The following WDR88 variants were observed in gnomAD, a reference collection of about 807,000 sequenced individuals.
WDR88 encodes WD repeat domain 88, also known as WD repeat-containing protein 88.
A neutral mutation model predicts 46.8 loss-of-function variants in WDR88; 40 were observed. The ratio of observed to expected loss-of-function variants is 0.86; its 90% CI spans 0.66 to 1.11. The LOEUF is 1.11. WDR88 is among the 50% of genes most tolerant of loss of function. The probability of loss-of-function intolerance (pLI) is 0.00; values close to 1 mark genes in which losing one functional copy is unlikely to be tolerated. For synonymous variants in WDR88, 235 were observed against 240.7 expected, an observed-to-expected ratio of 0.98 and a Z score of 0.22; for missense variants, 562 against 602.4, an observed-to-expected ratio of 0.93 and a Z score of 0.70.
intron 9 of WDR88, among the ~76,000 whole-genome samples, chr19:33,164,787 G>A (rs1038864695): frequency 1.3e-5 from 2 of 152,108 alleles, no homozygotes; most frequent in Non-Finnish European, 2.9e-5. Flanking sequence ...GACCAGTTTC[G>A]TGGAAGACAA....
At chr19:33,163,591 A>AAAT (rs1223170651) in intron 8 of WDR88, among the ~76,000 whole-genome samples, 13 of 152,048 alleles carry the variant, frequency 8.5e-5, no homozygotes, top group Non-Finnish European at 1.6e-4. Flanking sequence ...ATTCCACCCT[A>AAAT]AATGTTGTTG....
At chr19:33,141,241 C>CTTTTTTT (rs1973389122) in intron 2 of WDR88, among the ~76,000 whole-genome samples, 1 of 131,014 alleles carries the variant, frequency 7.6e-6, no homozygotes, top group African/African-American at 3.2e-5. Flanking sequence ...TTTTTTTTTT[C>CTTTTTTT]TTTTTTGACA....
At chr19:33,138,863 G>A (rs982454523) in intron 2 of WDR88, among the ~76,000 whole-genome samples, 4 of 151,686 alleles carry the variant, frequency 2.6e-5, no homozygotes, top group Non-Finnish European at 4.4e-5. Context: ...TTTATTTTTA[G>A]TAGAGACAGG....
intron 9 of WDR88, among the ~76,000 whole-genome samples, chr19:33,169,963 C>T (rs900803742): frequency 8.6e-5 from 13 of 151,632 alleles, no homozygotes; most frequent in East Asian, 7.8e-4. Context: ...CCGCAACCTC[C>T]GCCTCCCGGG....
chr19:33,148,676 C>T (rs964079936), intron 4 of WDR88, 96 bp from the exon 5 acceptor site: 102 of 1,472,814 alleles, frequency 6.9e-5, no homozygotes, highest in Middle Eastern at 1.9e-4. Context: ...TGGTCTCAAG[C>T]GATCCTCCAG....
At chr19:33,144,758 C>T (rs533583629) in intron 2 of WDR88, 86 bp from the exon 3 acceptor site, 11 of 1,240,780 alleles carry the variant, frequency 8.9e-6, no homozygotes. Context: ...CAGAGATAAG[C>T]TAAGGGCTAA....
intron 1 of WDR88, among the ~76,000 whole-genome samples, chr19:33,133,198 T>TAAATATAGAG (rs1555723214): frequency 0.034 from 2,715 of 79,424 alleles, 121 homozygotes; most frequent in African/African-American, 0.084. Flanking sequence ...TAAATAAATA[T>TAAATATAGAG]AGAGAGAGAG....
chr19:33,133,186 AATAAATAAAT>A (rs879744254), intron 1 of WDR88, among the ~76,000 whole-genome samples: 46 of 112,684 alleles, frequency 4.1e-4, no homozygotes, highest in Middle Eastern at 3.9e-3. Flanking sequence ...TAAATAAATA[AATAAATAAAT>A]ATAGAGAGAG....
chr19:33,167,956 G>C (rs1325497757), intron 9 of WDR88, among the ~76,000 whole-genome samples: 2 of 151,492 alleles, frequency 1.3e-5, no homozygotes, highest in East Asian at 1.9e-4. Flanking sequence ...GACTTCAAGT[G>C]ATCTGCCCAC....
At chr19:33,157,663 ATGTATGTGTGTGTGTGTATGTATG>A (rs1239548548) in intron 7 of WDR88, among the ~76,000 whole-genome samples, 3 of 85,646 alleles carry the variant, frequency 3.5e-5, no homozygotes, top group African/African-American at 1.6e-4. Flanking sequence ...GTATATATGT[ATGTATGTGTGTGTGTGTATGTATG>A]TATATATATA....
chr19:33,132,528 G>A lies in WDR88; in HGVS notation c.276+83G>A, dbSNP rs2145352117. 7.1e-6 allele frequency: 11 copies of A among 1,551,850 alleles called. 1 individual carries two copies. The South Asian group carries it at 1.3e-4, about 19-fold the overall frequency. On this transcript the variant is annotated intron_variant, in intron 1 of 10. Coordinates refer to ENST00000355868, the MANE Select transcript of WDR88 (RefSeq NM_173479.4). ...CGCTCGAGCTGTCGGGGGACCCATG[G>A]AAAACCCACCTGGCTTCACCAGGAC...
chr19:33,175,216 C>G (rs988409020), intron 10 of WDR88, among the ~76,000 whole-genome samples, 180 bp from the exon 11 acceptor site: 1 of 151,514 alleles, frequency 6.6e-6, no homozygotes, highest in African/African-American at 2.4e-5. Flanking sequence ...GCCTGGGCAA[C>G]AAAGTGAGAC....
chr19:33,174,104 A>G, intron 10 of WDR88: 1 of 1,481,558 alleles, frequency 6.7e-7, no homozygotes, highest in Non-Finnish European at 9.1e-7. Context: ...CGCCCGCCTC[A>G]GCCTCCCAAA....
At chr19:33,141,227 G>GTTTTTTTTTTTTTTTTGTTTTTTTT (rs745987290) in intron 2 of WDR88, among the ~76,000 whole-genome samples, 1 of 113,430 alleles carries the variant, frequency 8.8e-6, no homozygotes, top group African/African-American at 4.1e-5. Context: ...GTGGGAGCAT[G>GTTTTTTTTTTTTTTTTGTTTTTTTT]TTTTTTTTTT....
intron 1 of WDR88, 150 bp downstream of exon 1, chr19:33,132,595 T>A (rs1973151732): frequency 1.6e-6 from 2 of 1,289,888 alleles, no homozygotes; most frequent in Non-Finnish European, 1.0e-6. Context: ...CTGTGGTACA[T>A]CTGTGGGCAA....
intron 2 of WDR88, among the ~76,000 whole-genome samples, chr19:33,141,027 C>A (rs1172276270): frequency 6.7e-6 from 1 of 150,194 alleles, no homozygotes; most frequent in African/African-American, 2.5e-5. Flanking sequence ...CCTTTTACCT[C>A]CTGGGCTAAA....
chr19:33,168,016 C>T (rs1973981718), intron 9 of WDR88, among the ~76,000 whole-genome samples: 1 of 144,010 alleles, frequency 6.9e-6, no homozygotes, highest in Non-Finnish European at 1.5e-5. Flanking sequence ...CCATGCCCAG[C>T]CAAAATGATT....
At chr19:33,149,212 G>T (rs1973581275) in intron 5 of WDR88, among the ~76,000 whole-genome samples, 1 of 152,060 alleles carries the variant, frequency 6.6e-6, no homozygotes, top group African/African-American at 2.4e-5. Flanking sequence ...AGTCCCAGCT[G>T]CTTGAGAGGC....
chr19:33,166,901 G>A (rs1459265020), intron 9 of WDR88, among the ~76,000 whole-genome samples: 1 of 152,094 alleles, frequency 6.6e-6, no homozygotes. Flanking sequence ...GGGTGACAGA[G>A]CTAGACCCTG....
Sources: gnomAD v4.1 joint callset for allele counts (sites outside exome capture counted in the v4.1 genomes callset) on GRCh38, gnomAD v4.1.1 for gene constraint, MANE v1.5 for transcripts, NCBI Gene and HGNC (gene_info 2026-07-23, HGNC 2026-07-21) for gene names.